The following CAPRIN1 variants were observed in gnomAD, a reference collection of about 807,000 sequenced individuals.
CAPRIN1 encodes the protein cell cycle associated protein 1, also known as caprin-1.
CAPRIN1 carries 29 observed loss-of-function variants against 100.9 expected under a neutral mutation model. That is an observed-to-expected ratio of 0.29 (90% CI 0.21 to 0.39). The LOEUF (loss-of-function observed/expected upper bound fraction) is 0.39. Ranked by LOEUF, CAPRIN1 falls within the 10% of genes least tolerant of loss-of-function variation. CAPRIN1 has a pLI of 1.00. For synonymous variants in CAPRIN1, 338 were observed against 307.5 expected (o/e 1.10, Z -1.04); for missense variants, 795 against 876.7 (o/e 0.91, Z 1.18).
chr11:34,090,764 A>G (rs1226655346), intron 14 of CAPRIN1, 86 bp downstream of exon 14: 8 of 1,203,950 alleles, frequency 6.6e-6, no homozygotes, highest in Non-Finnish European at 8.4e-6. Context: ...TCTTCATTTA[A>G]CTGTGCTTGA....
At position 34,054,431 on chromosome 11, in the gene CAPRIN1, A is replaced by AT. The variant is rs982906180; in HGVS notation, c.216+1808dup. ...TTTACCCTGTTGGGTATCTTCTTAA[A>AT]TTTTTTTTTTTTTGAGACGGAGTTT... On this transcript the variant is annotated intron_variant, in intron 2 of 18. Transcript: ENST00000341394. Among the ~76,000 whole-genome samples, 1,081 of 146,316 alleles carry AT rather than the reference A, an allele frequency of 7.4e-3. 14 individuals are homozygous for AT. The highest frequency in any genetic ancestry group is 0.022 in the African/African-American group (901 of 40,166).
At chr11:34,078,114 A>C (rs1850940862) in intron 6 of CAPRIN1, among the ~76,000 whole-genome samples, 1 of 152,168 alleles carries the variant, frequency 6.6e-6, no homozygotes, top group Admixed American at 6.5e-5. Flanking sequence ...TTATAATGGG[A>C]AGGTACTAAT....
Position 34,071,882 on chromosome 11 carries a change from G to T in CAPRIN1, c.280-19G>T. ...GTTTTTTGTCTTTCCAGTAAAGTTT[G>T]GGTTCTTTGTCATTTTAGGATGCCG... On this transcript the variant is annotated intron_variant, in intron 3 of 18. Transcript: ENST00000341394. 1.2e-6 allele frequency: 2 copies of T among 1,605,396 alleles called. No individual in the cohort carries two copies. Among genetic ancestry groups the T allele is most frequent in the South Asian group, 2.2e-5 (2 of 90,364 alleles).
Position 34,071,466 on chromosome 11 carries a change from G to A in CAPRIN1, c.217-260G>A, listed in dbSNP as rs373821216. Among the ~76,000 whole-genome samples the A allele has an allele frequency of 1.8e-4, 28 of 152,138 alleles. 1 individual carries two copies. The highest frequency in any genetic ancestry group is 9.8e-4 in the Admixed American group (15 of 15,274). ...TGTAATCCCAGCTACTTTAGGGGCTGATGCAGTAGAATAGCTTGAACGTGG... is the reference window on the plus strand; with the variant it reads ...TGTAATCCCAGCTACTTTAGGGGCTAATGCAGTAGAATAGCTTGAACGTGG... On this transcript the variant is annotated intron_variant, in intron 2 of 18. Coordinates refer to ENST00000341394, the MANE Select transcript of CAPRIN1 (RefSeq NM_005898.5).
intron 11 of CAPRIN1, among the ~76,000 whole-genome samples, chr11:34,088,022 G>A (rs754833572): frequency 1.3e-5 from 2 of 152,144 alleles, no homozygotes; most frequent in Non-Finnish European, 2.9e-5. Flanking sequence ...ATTTAGAGAC[G>A]CAGTCTCGCT....
rs1411809368 is a variant in CAPRIN1, at chr11:34,079,716, A to G, written c.777A>G (p.Glu259=). The change falls in exon 7 of 19, where the codon GAA becomes GAG. Residue 259 remains glutamate (E), a synonymous_variant. Transcript: ENST00000341394. The stretch of plus-strand genomic sequence containing the variant: ...ACCACCAGAATGGGCTGTGTGAGGA[A>G]GAAGAGGCAGCCTCAGCACCTGCAG... ...THNHQNGLCE[E]EEAASAPAVE... The G allele has an allele frequency of 3.1e-6, 5 of 1,613,988 alleles. No individual in the cohort carries two copies. The African/African-American group carries it at 4.0e-5, about 13-fold the overall frequency.
chr11:34,069,413 G>A (rs1008512273), intron 2 of CAPRIN1, among the ~76,000 whole-genome samples: 2 of 152,068 alleles, frequency 1.3e-5, no homozygotes, highest in Non-Finnish European at 2.9e-5. Context: ...CTCCCAAAAT[G>A]CTGGGATTAC....
chr11:34,066,779 C>A (rs1282190977), intron 2 of CAPRIN1, among the ~76,000 whole-genome samples: 2 of 151,114 alleles, frequency 1.3e-5, no homozygotes, highest in African/African-American at 2.4e-5. Context: ...GCATATGCCA[C>A]CATGCCTGGC....
At chr11:34,076,751 T>C in intron 6 of CAPRIN1, 109 bp downstream of exon 6, 1 of 771,238 alleles carries the variant, frequency 1.3e-6, no homozygotes, top group Non-Finnish European at 2.1e-6. Flanking sequence ...TTTTTTTTTT[T>C]GGAGACAGAG....
chr11:34,068,273 A>G (rs1850738966), intron 2 of CAPRIN1, among the ~76,000 whole-genome samples: 1 of 152,194 alleles, frequency 6.6e-6, no homozygotes, highest in African/African-American at 2.4e-5. Context: ...TTGGATCACC[A>G]GCAAACAAGG....
chr11:34,065,626 GAAAC>G (rs1364274524), intron 2 of CAPRIN1, among the ~76,000 whole-genome samples: 3 of 152,216 alleles, frequency 2.0e-5, no homozygotes, highest in Admixed American at 6.5e-5. Flanking sequence ...ATATAATAGT[GAAAC>G]AAAGTCCTTC....
Position 34,090,238 on chromosome 11 carries a change from T to A in CAPRIN1, c.1353T>A (p.Pro451=). The A allele has an allele frequency of 6.2e-7, 1 of 1,614,092 alleles. No homozygotes were observed. The highest frequency in any genetic ancestry group is 8.5e-7 in the Non-Finnish European group (1 of 1,179,990). ...CAGCATCTCAACCCTTGTACCAGCCTTCTCATGCTACAGAGCAACGACCAC... is the reference window on the plus strand; with the variant it reads ...CAGCATCTCAACCCTTGTACCAGCCATCTCATGCTACAGAGCAACGACCAC... ...GYTASQPLYQ[P]SHATEQRPQK... The change falls in exon 13 of 19, where the codon CCT becomes CCA. Residue 451 remains proline (P), a synonymous_variant. Transcript: ENST00000341394.
In CAPRIN1 at chr11:34,099,677, A is replaced by AT. The variant is rs765788364; in HGVS notation, c.*313dup. 5.7e-4 allele frequency: 155 copies of AT among 273,458 alleles called. No individual in the cohort carries two copies. The highest frequency in any genetic ancestry group is 2.7e-3 in the African/African-American group (123 of 45,808). 16.9% of individuals were successfully genotyped at this position (273,458 alleles called of 1,614,324 possible). On this transcript the variant is annotated 3_prime_UTR_variant, in exon 19 of 19. Coordinates refer to ENST00000341394, the MANE Select transcript of CAPRIN1 (RefSeq NM_005898.5). Reference sequence around the variant, plus strand: ...CAGGGTGATAATAATCTCCATAGTTATTTGAAGTGGCTTGAAAAAGGCAAG... The same window carrying AT: ...CAGGGTGATAATAATCTCCATAGTTATTTTGAAGTGGCTTGAAAAAGGCAAG...
At chr11:34,076,504 C>A (rs748190131) in intron 5 of CAPRIN1, 30 bp downstream of exon 5, 2 of 1,607,200 alleles carry the variant, frequency 1.2e-6, no homozygotes, top group South Asian at 2.2e-5. Flanking sequence ...ATAGAAACTT[C>A]TGAGTATTTA....
rs752563671 is a variant in CAPRIN1, at chr11:34,092,076, C to T, written c.1705+20C>T. 3.1e-6 allele frequency: 5 copies of T among 1,609,536 alleles called. No homozygotes were observed. The highest frequency in any genetic ancestry group is 1.1e-5 in the South Asian group (1 of 90,386). On this transcript the variant is annotated intron_variant, in intron 15 of 18. Coordinates refer to ENST00000341394, the MANE Select transcript of CAPRIN1 (RefSeq NM_005898.5). ...AAACAGGTACGAAATCCAGTGTCACCTCATTGGCTCCTTGCTTTCCAGCAC... is the reference window on the plus strand; with the variant it reads ...AAACAGGTACGAAATCCAGTGTCACTTCATTGGCTCCTTGCTTTCCAGCAC...
intron 15 of CAPRIN1, among the ~76,000 whole-genome samples, chr11:34,093,964 AT>A (rs11291247): frequency 0.88 from 134,396 of 151,958 alleles, 59,593 homozygotes; most frequent in East Asian, 1. Flanking sequence ...TGCTTTTTCT[AT>A]TTTTTTAAAA....
At chr11:34,067,842 C>T (rs1565086339) in intron 2 of CAPRIN1, among the ~76,000 whole-genome samples, 2 of 151,836 alleles carry the variant, frequency 1.3e-5, no homozygotes, top group Admixed American at 1.3e-4. Context: ...GTTCTTTTTG[C>T]ATACTTTCTT....
chr11:34,092,190 T>C, intron 15 of CAPRIN1, 134 bp downstream of exon 15: 1 of 796,894 alleles, frequency 1.3e-6, no homozygotes, highest in Non-Finnish European at 1.9e-6. Context: ...GAATTTTTCA[T>C]TTCAGATCAT....
Position 34,091,974 on chromosome 11 carries a change from C to T in CAPRIN1, c.1623C>T (p.Tyr541=). Reference sequence around the variant, plus strand: ...AAACTTTAAAACAGCAAAATCAGTACCAGGCCAGTTATAACCAGAGCTTTT... The same window carrying T: ...AAACTTTAAAACAGCAAAATCAGTATCAGGCCAGTTATAACCAGAGCTTTT... The part of the protein sequence containing the change: ...EPETLKQQNQ[Y]QASYNQSFSS... The change falls in exon 15 of 19, where the codon TAC becomes TAT. Residue 541 remains tyrosine (Y), a synonymous_variant. Coordinates refer to ENST00000341394, the MANE Select transcript of CAPRIN1 (RefSeq NM_005898.5). 1 of 1,614,006 alleles carries T rather than the reference C, an allele frequency of 6.2e-7. No homozygotes were observed. Among genetic ancestry groups the T allele is most frequent in the South Asian group, 1.1e-5 (1 of 91,078 alleles).
Sources: gnomAD v4.1 joint callset for allele counts (sites outside exome capture counted in the v4.1 genomes callset) on GRCh38, gnomAD v4.1.1 for gene constraint, MANE v1.5 for transcripts, NCBI Gene and HGNC (gene_info 2026-07-23, HGNC 2026-07-21) for gene names.